CCM2: variants seen among roughly 807,000 people sequenced by gnomAD.
CCM2 encodes CCM2 scaffold protein.
CCM2 carries 25 observed loss-of-function variants against 44.9 expected under a neutral mutation model. That is an observed-to-expected ratio of 0.56 (90% confidence interval 0.41 to 0.78). CCM2 has a LOEUF of 0.78. CCM2 is among the 30% of genes least tolerant of loss of function. CCM2 has a pLI of 0.00. For missense variants in CCM2, 481 were observed against 580.6 expected (o/e 0.83, Z 1.76); for synonymous variants, 219 against 241.1 (o/e 0.91, Z 0.85).
At chr7:45,058,081 T>C (rs1264801071) in intron 2 of CCM2, among the ~76,000 whole-genome samples, 3 of 152,236 alleles carry the variant, frequency 2.0e-5, no homozygotes, top group African/African-American at 7.2e-5. Flanking sequence ...TTTACGTTGC[T>C]TGGATTCGGA....
At chr7:45,061,445 T>G (rs114578322) in intron 2 of CCM2, among the ~76,000 whole-genome samples, 1,639 of 144,526 alleles carry the variant, frequency 0.011, 27 homozygotes, top group African/African-American at 0.039. Context: ...TGCCTTTTTC[T>G]TTCTTTCTTT....
At chr7:45,026,876 TAC>T (rs1796712680) in intron 1 of CCM2, 1 of 152,350 alleles carries the variant, frequency 6.6e-6, no homozygotes, top group South Asian at 2.1e-4. Context: ...GTGCTGGGAT[TAC>T]AGACATGAGC....
chr7:45,067,343 A>G (rs1434999779), intron 4 of CCM2, among the ~76,000 whole-genome samples: 1 of 149,524 alleles, frequency 6.7e-6, no homozygotes, highest in African/African-American at 2.5e-5. Context: ...TTGTATTTTT[A>G]GTAGAGATGG....
At chr7:45,060,787 T>C (rs747341180) in intron 2 of CCM2, among the ~76,000 whole-genome samples, 17 of 152,244 alleles carry the variant, frequency 1.1e-4, no homozygotes, top group Non-Finnish European at 2.2e-4. Flanking sequence ...TCCTACTGAT[T>C]GTTGCTTAGG....
At chr7:45,019,982 TATACTC>T (rs1327984613) in intron 1 of CCM2, among the ~76,000 whole-genome samples, 2 of 152,216 alleles carry the variant, frequency 1.3e-5, no homozygotes, top group African/African-American at 4.8e-5. Context: ...GAGGGGACCT[TATACTC>T]AGACTTTGGG....
intron 1 of CCM2, among the ~76,000 whole-genome samples, chr7:45,017,415 A>G (rs1562863140): frequency 6.6e-6 from 1 of 152,192 alleles, no homozygotes; most frequent in Non-Finnish European, 1.5e-5. Context: ...AGTCACAGCT[A>G]TAGTTTTGGC....
At chr7:45,061,325 A>G (rs1469897976) in intron 2 of CCM2, among the ~76,000 whole-genome samples, 1 of 152,156 alleles carries the variant, frequency 6.6e-6, no homozygotes, top group Non-Finnish European at 1.5e-5. Flanking sequence ...GACATAAACG[A>G]TAGAGGAGGC....
intron 1 of CCM2, among the ~76,000 whole-genome samples, chr7:45,021,434 C>T (rs1314648525): frequency 1.3e-5 from 2 of 151,772 alleles, no homozygotes; most frequent in African/African-American, 4.8e-5. Context: ...CATGGTGACA[C>T]ATGCCTGTAA....
intron 5 of CCM2, among the ~76,000 whole-genome samples, chr7:45,069,161 G>A (rs1249551211): frequency 6.6e-6 from 1 of 152,218 alleles, no homozygotes; most frequent in Admixed American, 6.5e-5. Context: ...TTCCATATCT[G>A]TAAAATGGAT....
At chr7:45,029,361 A>G (rs911741005) in intron 1 of CCM2, 1 of 152,214 alleles carries the variant, frequency 6.6e-6, no homozygotes, top group East Asian at 1.9e-4. Flanking sequence ...ATTTGCGCAA[A>G]TGAAAATGCC....
chr7:45,039,666 T>C (rs1049870278), intron 2 of CCM2, among the ~76,000 whole-genome samples: 3 of 152,224 alleles, frequency 2.0e-5, no homozygotes, highest in Non-Finnish European at 2.9e-5. Context: ...AGAGGAAATA[T>C]TGTTGACAGT....
At chr7:45,006,577 T>C (rs536949021) in intron 1 of CCM2, among the ~76,000 whole-genome samples, 7 of 152,038 alleles carry the variant, frequency 4.6e-5, no homozygotes, top group South Asian at 2.1e-4. Flanking sequence ...ATCTCCTGAC[T>C]CCGTGATCCA....
At chr7:45,050,942 A>G (rs761481898) in intron 2 of CCM2, among the ~76,000 whole-genome samples, 17 of 152,138 alleles carry the variant, frequency 1.1e-4, no homozygotes, top group Non-Finnish European at 2.1e-4. Flanking sequence ...GATGCCTGAA[A>G]ATCATAGACT....
At chr7:45,015,010 TC>T (rs1250970240) in intron 1 of CCM2, among the ~76,000 whole-genome samples, 2 of 152,212 alleles carry the variant, frequency 1.3e-5, no homozygotes, top group African/African-American at 2.4e-5. Flanking sequence ...CCCTTGTCTT[TC>T]TTTAAACACT....
chr7:45,010,634 G>A (rs1324957402), intron 1 of CCM2, among the ~76,000 whole-genome samples: 4 of 151,938 alleles, frequency 2.6e-5, no homozygotes, highest in Admixed American at 6.6e-5. Flanking sequence ...TTTTGCTCTT[G>A]TCGCACAGAC....
intron 1 of CCM2, among the ~76,000 whole-genome samples, chr7:45,029,662 A>C (rs535374639): frequency 1.2e-4 from 19 of 152,312 alleles, no homozygotes; most frequent in African/African-American, 4.3e-4. Flanking sequence ...TGTTGAGCAG[A>C]TCCAGTTACT....
intron 6 of CCM2, 61 bp downstream of exon 6, chr7:45,070,022 C>T: frequency 1.3e-6 from 2 of 1,590,778 alleles, no homozygotes; most frequent in Non-Finnish European, 1.7e-6. Context: ...ACTGCAGTGG[C>T]CCCCAGCTCC....
At position 45,076,324 on chromosome 7, in the gene CCM2, C is replaced by G. The variant is rs549422713; in HGVS notation, c.*267C>G. ...AGTGTGTCCCCGCTCGGGGAGGGCC[C>G]GGCCGAGCGGGCAGGGAGAGCCAGT... On this transcript the variant is annotated 3_prime_UTR_variant, in exon 10 of 10. Transcript: ENST00000258781. The G allele has an allele frequency of 9.4e-6, 6 of 641,084 alleles. No homozygotes were observed. The highest frequency in any genetic ancestry group is 1.7e-5 in the Non-Finnish European group (6 of 347,228). 39.7% of individuals were successfully genotyped at this position (641,084 alleles called of 1,614,324 possible).
intron 1 of CCM2, among the ~76,000 whole-genome samples, chr7:45,018,019 A>G (rs112499106): frequency 3.3e-5 from 5 of 151,314 alleles, no homozygotes; most frequent in Non-Finnish European, 7.4e-5. Context: ...CGTGGCAGAC[A>G]GTTTTTCCAT....
Sources: gnomAD v4.1 joint callset for allele counts (sites outside exome capture counted in the v4.1 genomes callset) on GRCh38, gnomAD v4.1.1 for gene constraint, MANE v1.5 for transcripts, NCBI Gene and HGNC (gene_info 2026-07-23, HGNC 2026-07-21) for gene names.